The following BABAM2 variants were observed in gnomAD, a reference collection of about 807,000 sequenced individuals.
BABAM2 encodes the protein BRISC and BRCA1-A complex member 2.
In BABAM2, 31 loss-of-function variants were observed where a neutral mutation model predicts 54.7. The observed-to-expected ratio is 0.57, with a 90% CI of 0.43 to 0.77. The LOEUF (loss-of-function observed/expected upper bound fraction) is 0.77, where lower values mean the gene tolerates loss of function less well. BABAM2 is among the 30% of genes least tolerant of loss of function. The pLI, the probability that BABAM2 is intolerant of heterozygous loss-of-function variation, is 0.00. For synonymous variants in BABAM2, 167 were observed against 162.9 expected, an observed-to-expected ratio of 1.03 and a Z score of -0.19; for missense variants, 364 against 455.8, an observed-to-expected ratio of 0.80 and a Z score of 1.83.
At chr2:28,162,667 A>G (rs1452318606) in intron 7 of BABAM2, among the ~76,000 whole-genome samples, 1 of 152,222 alleles carries the variant, frequency 6.6e-6, no homozygotes, top group Non-Finnish European at 1.5e-5. Context: ...ACACTAGAGC[A>G]GTGTTAGTTG....
intron 9 of BABAM2, among the ~76,000 whole-genome samples, chr2:28,242,335 G>A (rs1395734153): frequency 1.3e-5 from 2 of 152,198 alleles, no homozygotes; most frequent in African/African-American, 2.4e-5. Context: ...GGCGCCTCTG[G>A]CTGCTCCATC....
intron 3 of BABAM2, among the ~76,000 whole-genome samples, chr2:27,979,817 G>A (rs904578495): frequency 3.0e-4 from 45 of 152,174 alleles, no homozygotes; most frequent in Non-Finnish European, 8.8e-5. Context: ...TTTCACTGGT[G>A]AGGAATAAGG....
chr2:27,936,188 G>A (rs972092319), intron 3 of BABAM2, among the ~76,000 whole-genome samples: 1 of 152,134 alleles, frequency 6.6e-6, no homozygotes, highest in African/African-American at 2.4e-5. Flanking sequence ...CCAAAGTGCT[G>A]GGATTACAGG....
At chr2:28,151,454 C>G (rs1672026038) in intron 7 of BABAM2, among the ~76,000 whole-genome samples, 2 of 152,052 alleles carry the variant, frequency 1.3e-5, no homozygotes, top group South Asian at 4.1e-4. Flanking sequence ...ACCTGTAATC[C>G]CAGCTGTCCA....
chr2:28,026,865 T>TATATATAAATATATATTTATATATATAA (rs1675788045), intron 5 of BABAM2, among the ~76,000 whole-genome samples: 1 of 49,594 alleles, frequency 2.0e-5, no homozygotes, highest in East Asian at 3.9e-4. Context: ...TATATATAGA[T>TATATATAAATATATATTTATATATATAA]ATATATATTT....
At chr2:28,171,115 A>ATG (rs1055877477) in intron 7 of BABAM2, among the ~76,000 whole-genome samples, 5 of 150,546 alleles carry the variant, frequency 3.3e-5, no homozygotes, top group Non-Finnish European at 7.4e-5. Flanking sequence ...TTTTTAAAAT[A>ATG]TATATATATA....
intron 7 of BABAM2, among the ~76,000 whole-genome samples, chr2:28,157,902 C>A (rs1398360191): frequency 6.6e-6 from 1 of 152,166 alleles, no homozygotes; most frequent in Non-Finnish European, 1.5e-5. Context: ...AGCTACCGTG[C>A]CCAGCCAACA....
chr2:28,078,512 G>A (rs1573535201), intron 6 of BABAM2, among the ~76,000 whole-genome samples: 1 of 152,112 alleles, frequency 6.6e-6, no homozygotes, highest in East Asian at 1.9e-4. Context: ...ATGAAATTAT[G>A]AAGAAGGAAA....
intron 6 of BABAM2, among the ~76,000 whole-genome samples, chr2:28,086,922 T>C (rs1404899462): frequency 1.3e-5 from 2 of 152,260 alleles, no homozygotes; most frequent in East Asian, 3.8e-4. Flanking sequence ...TTATCTCATC[T>C]TGGTTTTCCT....
At chr2:27,959,144 G>T (rs375954552) in intron 3 of BABAM2, among the ~76,000 whole-genome samples, 1 of 152,214 alleles carries the variant, frequency 6.6e-6, no homozygotes, top group African/African-American at 2.4e-5. Context: ...TTCTATAAAA[G>T]TAAGAATTGT....
chr2:27,968,059 TAC>T (rs780373228), intron 3 of BABAM2, among the ~76,000 whole-genome samples: 46 of 152,334 alleles, frequency 3.0e-4, no homozygotes, highest in Non-Finnish European at 5.9e-4. Context: ...TGCAGAAATT[TAC>T]ATAAGTAATG....
At chr2:28,239,455 G>A (rs1682212181) in intron 8 of BABAM2, among the ~76,000 whole-genome samples, 1 of 152,130 alleles carries the variant, frequency 6.6e-6, no homozygotes, top group African/African-American at 2.4e-5. Context: ...GTTAGAAGCT[G>A]GTGGGTAAAT....
chr2:28,263,296 T>C (rs998138161), intron 10 of BABAM2, among the ~76,000 whole-genome samples: 2 of 152,134 alleles, frequency 1.3e-5, no homozygotes, highest in African/African-American at 4.8e-5. Flanking sequence ...TCCATATAAT[T>C]CTCTCAACAG....
intron 7 of BABAM2, among the ~76,000 whole-genome samples, chr2:28,182,615 C>G (rs913929922): frequency 2.6e-5 from 4 of 152,180 alleles, no homozygotes; most frequent in African/African-American, 9.7e-5. Flanking sequence ...GTATGTCATT[C>G]AGGGTTCCCA....
chr2:28,131,360 C>T (rs550764346), intron 7 of BABAM2, among the ~76,000 whole-genome samples: 3 of 22,606 alleles, frequency 1.3e-4, no homozygotes, highest in East Asian at 5.2e-4. Flanking sequence ...GGATTACAGG[C>T]GTGAGCCACC....
At chr2:27,982,742 T>G (rs940475308) in intron 3 of BABAM2, among the ~76,000 whole-genome samples, 1 of 152,032 alleles carries the variant, frequency 6.6e-6, no homozygotes, top group African/African-American at 2.4e-5. Flanking sequence ...ATAGTATTTG[T>G]CTTTTTGTGA....
chr2:28,279,943 C>G (rs189760457), intron 10 of BABAM2, among the ~76,000 whole-genome samples: 5 of 152,282 alleles, frequency 3.3e-5, no homozygotes, highest in African/African-American at 1.2e-4. Context: ...GCTGGGATTA[C>G]AGGCATGAGC....
At chr2:28,319,366 C>T (rs1689830706) in intron 11 of BABAM2, among the ~76,000 whole-genome samples, 1 of 152,248 alleles carries the variant, frequency 6.6e-6, no homozygotes, top group South Asian at 2.1e-4. Flanking sequence ...TGAGTGAGCA[C>T]ACAGCTTAGC....
At position 28,329,805 on chromosome 2, in the gene BABAM2, G is replaced by A. The variant is rs1004168499; in HGVS notation, c.1089-8645G>A. Among the ~76,000 whole-genome samples, 1 of 152,174 alleles carries A rather than the reference G, an allele frequency of 6.6e-6. No homozygotes were observed. Among genetic ancestry groups the A allele is most frequent in the Non-Finnish European group, 1.5e-5 (1 of 68,040 alleles). The stretch of plus-strand genomic sequence containing the variant: ...TGAAACTATTCCAAACAATTGAAAA[G>A]GAGGGACTTCTCCCTAACTCACTTT... On this transcript the variant is annotated intron_variant, in intron 11 of 11. Transcript: ENST00000379624. This position sits in a 1 kb window ranked among gnomAD's most constrained non-coding sequence, Gnocchi z 4.2.
Sources: gnomAD v4.1 joint callset for allele counts (sites outside exome capture counted in the v4.1 genomes callset) on GRCh38, gnomAD v4.1.1 for gene constraint, Gnocchi (gnomAD v3.1) non-coding constraint, MANE v1.5 for transcripts, NCBI Gene and HGNC (gene_info 2026-07-23, HGNC 2026-07-21) for gene names.